The following MYO10 variants were observed in gnomAD, a reference collection of about 807,000 sequenced individuals.
MYO10 encodes myosin X, also known as unconventional myosin-X.
MYO10 carries 133 observed loss-of-function variants against 257.3 expected under a neutral mutation model. That is an observed-to-expected ratio of 0.52 (90% CI 0.45 to 0.60). The LOEUF is 0.60. Ranked by LOEUF, MYO10 falls within the 20% of genes least tolerant of loss-of-function variation. The pLI, the probability that MYO10 is intolerant of heterozygous loss-of-function variation, is 0.00. For missense variants in MYO10, 2,399 were observed against 2,635.7 expected (o/e 0.91, Z 1.97); for synonymous variants, 1,104 against 1,028.6 (o/e 1.07, Z -1.40).
chr5:16,693,161 G>C (rs144390309), intron 27 of MYO10, among the ~76,000 whole-genome samples: 1 of 152,108 alleles, frequency 6.6e-6, no homozygotes, highest in African/African-American at 2.4e-5. Context: ...CCAACAACTC[G>C]GGAGGCTGAG....
intron 19 of MYO10, among the ~76,000 whole-genome samples, chr5:16,724,676 C>G (rs1309188953): frequency 6.6e-6 from 1 of 151,816 alleles, no homozygotes; most frequent in Non-Finnish European, 1.5e-5. Flanking sequence ...AGGAGGGATG[C>G]AAAAGAAATT....
At chr5:16,855,814 C>T (rs775960509) in intron 2 of MYO10, among the ~76,000 whole-genome samples, 6 of 152,226 alleles carry the variant, frequency 3.9e-5, no homozygotes, top group Admixed American at 1.3e-4. Context: ...TGAACTCTGA[C>T]GTGGCGGGGA....
chr5:16,697,665 T>A (rs1482994584), intron 26 of MYO10, among the ~76,000 whole-genome samples: 1 of 149,090 alleles, frequency 6.7e-6, no homozygotes, highest in East Asian at 2.0e-4. Context: ...GCCATTGCAC[T>A]CCAGCCTGGG....
chr5:16,758,626 G>A lies in MYO10; in HGVS notation c.1740-400C>T, dbSNP rs1579957048. On this transcript the variant is annotated intron_variant, in intron 17 of 40. Coordinates refer to ENST00000513610, the MANE Select transcript of MYO10 (RefSeq NM_012334.3). ...GTTAACGGATGGAAAGGTGCTCCTG[G>A]GGAACACTAATTACAGGGTGAGGCA... Among the ~76,000 whole-genome samples, 3 of 152,252 alleles carry A rather than the reference G, an allele frequency of 2.0e-5. No individual in the cohort carries two copies. In the South Asian group the frequency reaches 6.2e-4, roughly 32 times the overall value.
chr5:16,855,706 C>T (rs1239434540), intron 2 of MYO10, among the ~76,000 whole-genome samples: 1 of 152,200 alleles, frequency 6.6e-6, no homozygotes, highest in East Asian at 1.9e-4. Flanking sequence ...TGCTCCAACC[C>T]ATTGTCATAA....
chr5:16,797,550 A>G (rs1261955926), intron 3 of MYO10, among the ~76,000 whole-genome samples: 1 of 152,234 alleles, frequency 6.6e-6, no homozygotes, highest in Non-Finnish European at 1.5e-5. Flanking sequence ...ACCATTCACA[A>G]CAGCCAAAGG....
At position 16,786,721 on chromosome 5, in the gene MYO10, G is replaced by T. The variant is rs1327624092; in HGVS notation, c.468-3252C>A. The stretch of plus-strand genomic sequence containing the variant: ...CTAGCCCAAAGCATTTTGGATAAGG[G>T]ATACTCAAGCTGTGCAAGTAAAACT... On this transcript the variant is annotated intron_variant, in intron 4 of 40. Transcript: ENST00000513610. Among the ~76,000 whole-genome samples the T allele has an allele frequency of 2.0e-5, 3 of 151,980 alleles. No individual in the cohort carries two copies. In the East Asian group the frequency reaches 5.8e-4, roughly 29 times the overall value.
rs557378372 is a variant in MYO10, at chr5:16,666,530, G to A, written c.*162C>T. On this transcript the variant is annotated 3_prime_UTR_variant, in exon 41 of 41. Coordinates refer to ENST00000513610, the MANE Select transcript of MYO10 (RefSeq NM_012334.3). ...AGCTTAATACAGGATCAATGAAGGCGGCAGGCAAAAGGATCCTCGGAGACA... is the reference window on the plus strand; with the variant it reads ...AGCTTAATACAGGATCAATGAAGGCAGCAGGCAAAAGGATCCTCGGAGACA... The A allele has an allele frequency of 3.9e-5, 23 of 593,084 alleles. No individual in the cohort carries two copies. Among genetic ancestry groups the A allele is most frequent in the East Asian group, 1.2e-4 (4 of 34,606 alleles). 36.7% of individuals were successfully genotyped at this position (593,084 alleles called of 1,614,324 possible).
At chr5:16,811,888 G>A (rs999672767) in intron 3 of MYO10, among the ~76,000 whole-genome samples, 12 of 152,070 alleles carry the variant, frequency 7.9e-5, no homozygotes, top group South Asian at 4.1e-4. Context: ...CCTTTGTAGC[G>A]TCACCACCAC....
chr5:16,880,737 T>A (rs1206467268), intron 1 of MYO10, among the ~76,000 whole-genome samples: 3 of 152,134 alleles, frequency 2.0e-5, no homozygotes, highest in Non-Finnish European at 4.4e-5. Flanking sequence ...ATAACACACA[T>A]GAAGAATGAG....
intron 2 of MYO10, among the ~76,000 whole-genome samples, chr5:16,842,357 G>A (rs10475091): frequency 0.049 from 7,386 of 152,126 alleles, 642 homozygotes; most frequent in African/African-American, 0.17. Context: ...AGAGCAGAAG[G>A]GGAAACTGAT....
At chr5:16,872,005 G>A (rs1037419614) in intron 2 of MYO10, among the ~76,000 whole-genome samples, 3 of 152,136 alleles carry the variant, frequency 2.0e-5, no homozygotes, top group Non-Finnish European at 4.4e-5. Flanking sequence ...CATTATCATA[G>A]TTCAGTTCCT....
chr5:16,714,563 C>T (rs1738764228), intron 19 of MYO10, among the ~76,000 whole-genome samples: 1 of 152,174 alleles, frequency 6.6e-6, no homozygotes, highest in Non-Finnish European at 1.5e-5. Context: ...TATTCTGATA[C>T]CACGCACGTC....
intron 3 of MYO10, among the ~76,000 whole-genome samples, chr5:16,802,818 A>G (rs2126689333): frequency 6.6e-6 from 1 of 152,228 alleles, no homozygotes; most frequent in South Asian, 2.1e-4. Context: ...CCTTAACTTT[A>G]AATAAAAAGT....
chr5:16,860,663 G>T (rs1038239508), intron 2 of MYO10, among the ~76,000 whole-genome samples: 1 of 152,114 alleles, frequency 6.6e-6, no homozygotes, highest in Non-Finnish European at 1.5e-5. Context: ...GGAAGGAAGA[G>T]ATGGGAAAAT....
intron 2 of MYO10, among the ~76,000 whole-genome samples, chr5:16,850,415 C>G (rs904332353): frequency 6.6e-6 from 1 of 152,020 alleles, no homozygotes; most frequent in African/African-American, 2.4e-5. Flanking sequence ...GTACCTGGGA[C>G]TACAGGCGCG....
intron 33 of MYO10, 127 bp from the exon 34 acceptor site, chr5:16,676,281 T>C: frequency 6.3e-6 from 7 of 1,110,208 alleles, no homozygotes; most frequent in Non-Finnish European, 8.9e-6. Flanking sequence ...TGTTAGGTGG[T>C]TTCATGGACG....
At chr5:16,723,920 T>G (rs530293756) in intron 19 of MYO10, among the ~76,000 whole-genome samples, 1 of 152,138 alleles carries the variant, frequency 6.6e-6, no homozygotes, top group Non-Finnish European at 1.5e-5. Context: ...TCAGAGACAG[T>G]AGAACAATCA....
intron 39 of MYO10, among the ~76,000 whole-genome samples, chr5:16,668,958 G>A (rs1579781429): frequency 6.6e-6 from 1 of 152,216 alleles, no homozygotes; most frequent in African/African-American, 2.4e-5. Flanking sequence ...AGCAGTTCTG[G>A]CTCCTCTTCA....
Sources: gnomAD v4.1 joint callset for allele counts (sites outside exome capture counted in the v4.1 genomes callset) on GRCh38, gnomAD v4.1.1 for gene constraint, MANE v1.5 for transcripts, NCBI Gene and HGNC (gene_info 2026-07-23, HGNC 2026-07-21) for gene names.